MTMR7: variants seen among roughly 807,000 people sequenced by gnomAD.
MTMR7 encodes the protein phosphatidylinositol-3-phosphate phosphatase MTMR7.
Under a neutral mutation model 81.2 loss-of-function variants are expected in MTMR7, and 76 were observed. The observed-to-expected ratio is 0.94, with a 90% CI of 0.78 to 1.13. MTMR7 has a LOEUF of 1.13. MTMR7 is among the 50% of genes most tolerant of loss of function. The pLI is 0.00. For synonymous variants in MTMR7, 372 were observed against 289.8 expected, an observed-to-expected ratio of 1.28 and a Z score of -2.88; for missense variants, 1,044 against 820.0, an observed-to-expected ratio of 1.27 and a Z score of -3.34.
chr8:17,385,045 G>C (rs748420179), intron 1 of MTMR7, among the ~76,000 whole-genome samples: 19 of 152,168 alleles, frequency 1.2e-4, no homozygotes, highest in Admixed American at 2.0e-4. Context: ...TATCTGGGAG[G>C]CATGCAAAGA....
At chr8:17,378,933 A>C (rs1313427106) in intron 1 of MTMR7, among the ~76,000 whole-genome samples, 1 of 152,188 alleles carries the variant, frequency 6.6e-6, no homozygotes, top group Non-Finnish European at 1.5e-5. Flanking sequence ...GGACTAAAAA[A>C]GGTTACCCAG....
chr8:17,384,932 G>A (rs937598037), intron 1 of MTMR7, among the ~76,000 whole-genome samples: 7 of 152,106 alleles, frequency 4.6e-5, no homozygotes, highest in African/African-American at 1.7e-4. Flanking sequence ...GAAAATATAT[G>A]ACACATAACC....
chr8:17,371,241 C>G (rs746043729), intron 2 of MTMR7, 42 bp from the exon 3 acceptor site: 2 of 1,589,136 alleles, frequency 1.3e-6, no homozygotes, highest in Non-Finnish European at 1.7e-6. Flanking sequence ...GCACAAATAA[C>G]TAATGAATAC....
At chr8:17,348,039 G>A (rs1386884137) in intron 5 of MTMR7, among the ~76,000 whole-genome samples, 3 of 152,176 alleles carry the variant, frequency 2.0e-5, no homozygotes, top group Non-Finnish European at 4.4e-5. Context: ...GGTGGGGCCA[G>A]GCTACCAGGC....
chr8:17,408,556 G>C (rs956195729), intron 1 of MTMR7, among the ~76,000 whole-genome samples: 5 of 152,064 alleles, frequency 3.3e-5, no homozygotes, highest in African/African-American at 1.2e-4. Flanking sequence ...TCTGCTATTA[G>C]GATCAAGATC....
intron 1 of MTMR7, among the ~76,000 whole-genome samples, chr8:17,410,667 A>G (rs1195948242): frequency 6.6e-6 from 1 of 152,250 alleles, no homozygotes; most frequent in Admixed American, 6.5e-5. Flanking sequence ...TCAGTTAAAC[A>G]TACATGCACC....
At chr8:17,326,269 C>G (rs1280448315) in intron 7 of MTMR7, 1 of 152,182 alleles carries the variant, frequency 6.6e-6, no homozygotes, top group Non-Finnish European at 1.5e-5. Context: ...TTCTCAGGCT[C>G]TGTGCCTCAA....
In MTMR7 at chr8:17,304,285, A is replaced by G. The variant is rs1817308977; in HGVS notation, c.1493+94T>C. 40 of 1,363,714 alleles carry G rather than the reference A, an allele frequency of 2.9e-5. 1 individual carries two copies. The highest frequency in any genetic ancestry group is 4.0e-5 in the Non-Finnish European group (40 of 1,004,900). The allele number at this position is 1,363,714 out of a possible 1,614,324, so 84.5% of individuals were successfully genotyped here. A position where few individuals can be genotyped will look rare whatever the true frequency, so the allele number is the denominator to read the frequency against. On this transcript the variant is annotated intron_variant, in intron 12 of 13. Coordinates refer to ENST00000180173, the MANE Select transcript of MTMR7 (RefSeq NM_004686.5). ...TCTTTTGTGTCCAATAAAAGCCTCAAAGATCAGTGTCATACACTTTGACCT... is the reference window on the plus strand; with the variant it reads ...TCTTTTGTGTCCAATAAAAGCCTCAGAGATCAGTGTCATACACTTTGACCT...
chr8:17,347,195 G>GAAAA (rs57811867), intron 5 of MTMR7, among the ~76,000 whole-genome samples: 1 of 112,440 alleles, frequency 8.9e-6, no homozygotes. Context: ...TCTTGTTTCC[G>GAAAA]AAAAAAAAAA....
At chr8:17,348,035 G>A (rs1011599251) in intron 5 of MTMR7, among the ~76,000 whole-genome samples, 1 of 152,142 alleles carries the variant, frequency 6.6e-6, no homozygotes, top group African/African-American at 2.4e-5. Flanking sequence ...GTGGGGTGGG[G>A]CCAGGCTACC....
chr8:17,387,876 G>C (rs1017620240), intron 1 of MTMR7, among the ~76,000 whole-genome samples: 12 of 152,304 alleles, frequency 7.9e-5, no homozygotes, highest in African/African-American at 2.9e-4. Flanking sequence ...GGATAAGCCT[G>C]AGTGTTTATA....
At chr8:17,393,954 C>G (rs1450486837) in intron 1 of MTMR7, among the ~76,000 whole-genome samples, 1 of 152,148 alleles carries the variant, frequency 6.6e-6, no homozygotes, top group Non-Finnish European at 1.5e-5. Context: ...TAAAAAGATG[C>G]TCAACATAAT....
In MTMR7 at chr8:17,309,267, T is replaced by C; in HGVS notation, c.1151+10A>G. On this transcript the variant is annotated intron_variant, in intron 10 of 13. Transcript: ENST00000180173. ...TCTAAACATTCAAAACAGTCTTAAA[T>C]ATTACTTACCGGTGATTAAACTTAT... 6.7e-7 allele frequency: 1 copy of C among 1,503,020 alleles called. No homozygotes were observed. Among genetic ancestry groups the C allele is most frequent in the Non-Finnish European group, 9.2e-7 (1 of 1,081,216 alleles). The allele number at this position is 1,503,020 out of a possible 1,614,324, so 93.1% of individuals were successfully genotyped here.
chr8:17,307,523 A>G (rs1563318512), intron 10 of MTMR7, among the ~76,000 whole-genome samples: 1 of 152,202 alleles, frequency 6.6e-6, no homozygotes, highest in Non-Finnish European at 1.5e-5. Context: ...TGACCCAGCC[A>G]TCCCATTACT....
chr8:17,371,328 C>G (rs947378587), intron 2 of MTMR7, 129 bp from the exon 3 acceptor site: 2 of 998,614 alleles, frequency 2.0e-6, no homozygotes, highest in Admixed American at 2.7e-5. Flanking sequence ...TCAACCCTTG[C>G]GTTCAGATGA....
chr8:17,412,500 A>G (rs1423875607), intron 1 of MTMR7, among the ~76,000 whole-genome samples: 1 of 152,188 alleles, frequency 6.6e-6, no homozygotes, highest in Non-Finnish European at 1.5e-5. Context: ...ATTCTAAATT[A>G]GATTATCAGT....
intron 1 of MTMR7, among the ~76,000 whole-genome samples, chr8:17,407,577 A>G (rs1489507318): frequency 2.0e-5 from 3 of 151,150 alleles, no homozygotes; most frequent in East Asian, 4.0e-4. Context: ...AGTGGTAAAT[A>G]TAATGACATT....
At chr8:17,394,737 C>A (rs1012590927) in intron 1 of MTMR7, among the ~76,000 whole-genome samples, 1 of 151,994 alleles carries the variant, frequency 6.6e-6, no homozygotes, top group African/African-American at 2.4e-5. Context: ...AATATATATA[C>A]GTGGCAGAGT....
chr8:17,412,090 A>C (rs1291011740), intron 1 of MTMR7, among the ~76,000 whole-genome samples: 1 of 152,262 alleles, frequency 6.6e-6, no homozygotes, highest in African/African-American at 2.4e-5. Context: ...CGACAACTTA[A>C]TTCCCTAGTG....
Sources: gnomAD v4.1 joint callset for allele counts (sites outside exome capture counted in the v4.1 genomes callset) on GRCh38, gnomAD v4.1.1 for gene constraint, MANE v1.5 for transcripts, NCBI Gene and HGNC (gene_info 2026-07-23, HGNC 2026-07-21) for gene names.